The following HECA variants were observed in gnomAD, a reference collection of about 807,000 sequenced individuals.
The protein encoded by HECA is HECA ribonucleoprotein granule regulator, also known as headcase protein homolog.
Under a neutral mutation model 37.6 loss-of-function variants are expected in HECA, and 13 were observed. The ratio of observed to expected loss-of-function variants is 0.35; its 90% CI spans 0.23 to 0.55. HECA has a LOEUF of 0.55. Among genes scored for constraint, HECA ranks in the 20% least tolerant of loss-of-function variants. The pLI, the probability that HECA is intolerant of heterozygous loss-of-function variation, is 0.90. For missense variants in HECA, 527 were observed against 701.9 expected, an observed-to-expected ratio of 0.75 and a Z score of 2.82; for synonymous variants, 307 against 291.5, an observed-to-expected ratio of 1.05 and a Z score of -0.54.
intron 1 of HECA, among the ~76,000 whole-genome samples, chr6:139,140,462 T>C (rs185551062): frequency 6.6e-6 from 1 of 152,216 alleles, no homozygotes; most frequent in African/African-American, 2.4e-5. Context: ...CTTCGTGTAT[T>C]AAAGTGAAGA....
intron 1 of HECA, among the ~76,000 whole-genome samples, chr6:139,156,412 G>A (rs1237942349): frequency 6.6e-6 from 1 of 152,100 alleles, no homozygotes; most frequent in African/African-American, 2.4e-5. Context: ...ATCTCACCAT[G>A]TTGCCCAGGC....
At chr6:139,153,007 A>T (rs1191706641) in intron 1 of HECA, 1 of 152,160 alleles carries the variant, frequency 6.6e-6, no homozygotes, top group Non-Finnish European at 1.5e-5. Flanking sequence ...TGTTACAGCC[A>T]CAGGAATGGG....
chr6:139,163,908 T>G (rs1774842933), intron 1 of HECA, among the ~76,000 whole-genome samples: 1 of 151,802 alleles, frequency 6.6e-6, no homozygotes, highest in Non-Finnish European at 1.5e-5. Flanking sequence ...TCTCTTGAGC[T>G]CCAGTCAAAT....
At chr6:139,165,798 GCA>G (rs1774875281) in intron 1 of HECA, among the ~76,000 whole-genome samples, 1 of 71,844 alleles carries the variant, frequency 1.4e-5, no homozygotes, top group Admixed American at 1.4e-4. Flanking sequence ...TTGGCTGTTT[GCA>G]CAGTGTGGGA....
intron 1 of HECA, among the ~76,000 whole-genome samples, chr6:139,154,628 A>G (rs1309943057): frequency 2.0e-5 from 3 of 152,218 alleles, no homozygotes; most frequent in Non-Finnish European, 4.4e-5. Flanking sequence ...GAAGGGGTAA[A>G]GTCATTAGTC....
At chr6:139,137,070 T>G (rs1459488472) in intron 1 of HECA, among the ~76,000 whole-genome samples, 1 of 152,216 alleles carries the variant, frequency 6.6e-6, no homozygotes, top group Non-Finnish European at 1.5e-5. Context: ...TAGGAAGATT[T>G]ATTTATTTAT....
intron 1 of HECA, among the ~76,000 whole-genome samples, chr6:139,145,628 A>C (rs1257945162): frequency 1.3e-5 from 2 of 152,202 alleles, no homozygotes; most frequent in Non-Finnish European, 2.9e-5. Context: ...AATTAAATTG[A>C]CAAGAGACAG....
At position 139,135,263 on chromosome 6, in the gene HECA, G is replaced by C; in HGVS notation, c.-134G>C. 1.5e-6 allele frequency: 1 copy of C among 676,552 alleles called. No homozygotes were observed. Among genetic ancestry groups the C allele is most frequent in the Non-Finnish European group, 1.9e-6 (1 of 521,266 alleles). The allele number at this position is 676,552 out of a possible 1,614,324, so 41.9% of individuals were successfully genotyped here. Reference sequence around the variant, plus strand: ...CGCGGCACGGGCCGTGCGGCTAGACGGGAGCCGAGGGAACCGCCGGCTCGC... The same window carrying C: ...CGCGGCACGGGCCGTGCGGCTAGACCGGAGCCGAGGGAACCGCCGGCTCGC... On this transcript the variant is annotated 5_prime_UTR_variant, in exon 1 of 4. Coordinates refer to ENST00000367658, the MANE Select transcript of HECA (RefSeq NM_016217.3).
At chr6:139,168,198 TC>T (rs887714677) in intron 2 of HECA, among the ~76,000 whole-genome samples, 1 of 152,204 alleles carries the variant, frequency 6.6e-6, no homozygotes, top group African/African-American at 2.4e-5. Flanking sequence ...TTACATATTA[TC>T]TGTTTATTGA....
intron 1 of HECA, among the ~76,000 whole-genome samples, chr6:139,146,571 T>C (rs551975489): frequency 6.6e-6 from 1 of 152,334 alleles, no homozygotes; most frequent in African/African-American, 2.4e-5. Context: ...TGGCTATTTT[T>C]GATTGGCAGC....
intron 1 of HECA, chr6:139,155,691 T>G (rs1011634289): frequency 1.3e-5 from 2 of 152,194 alleles, no homozygotes; most frequent in Non-Finnish European, 2.9e-5. Context: ...CAGAGCATAT[T>G]ATGTAGTGCA....
At chr6:139,170,394 T>G (rs1456204347) in intron 2 of HECA, 2 of 152,202 alleles carry the variant, frequency 1.3e-5, no homozygotes, top group African/African-American at 4.8e-5. Context: ...AGTTCTAGTA[T>G]CATACCTGGA....
intron 1 of HECA, among the ~76,000 whole-genome samples, chr6:139,153,903 C>T (rs1223387540): frequency 6.6e-6 from 1 of 152,098 alleles, no homozygotes; most frequent in African/African-American, 2.4e-5. Flanking sequence ...TCTGAGATGG[C>T]AGAGTAAGGG....
In HECA at chr6:139,135,347, G is replaced by T; in HGVS notation, c.-50G>T. On this transcript the variant is annotated 5_prime_UTR_variant, in exon 1 of 4. Transcript: ENST00000367658. ...AGGGCCGGGAACGGCCGTGCCTCTG[G>T]GATCCGCCTTCGCTGACGCCGGGCA... 1 of 1,275,354 alleles carries T rather than the reference G, an allele frequency of 7.8e-7. No homozygotes were observed. The highest frequency in any genetic ancestry group is 1.0e-6 in the Non-Finnish European group (1 of 982,940). 79.0% of individuals were successfully genotyped at this position (1,275,354 alleles called of 1,614,324 possible).
intron 1 of HECA, among the ~76,000 whole-genome samples, chr6:139,145,466 C>A (rs1228076491): frequency 6.6e-6 from 1 of 152,106 alleles, no homozygotes; most frequent in African/African-American, 2.4e-5. Context: ...ATGAAGTGTT[C>A]AATGTAGTCA....
chr6:139,171,956 G>A (rs1746459864), intron 2 of HECA, among the ~76,000 whole-genome samples: 1 of 151,824 alleles, frequency 6.6e-6, no homozygotes, highest in Non-Finnish European at 1.5e-5. Flanking sequence ...TCAGCCTCAT[G>A]AGTAGCTGGG....
chr6:139,173,619 G>A (rs1313127517), intron 2 of HECA, among the ~76,000 whole-genome samples: 2 of 152,154 alleles, frequency 1.3e-5, no homozygotes, highest in African/African-American at 2.4e-5. Flanking sequence ...CAGAAATGTT[G>A]CTGTTATACG....
chr6:139,156,020 T>C (rs952518461), intron 1 of HECA, among the ~76,000 whole-genome samples: 12 of 151,876 alleles, frequency 7.9e-5, no homozygotes, highest in South Asian at 2.1e-4. Context: ...TTATATTTTA[T>C]ATGTTTCTAT....
chr6:139,172,042 G>T (rs1052259737), intron 2 of HECA, among the ~76,000 whole-genome samples: 1 of 152,078 alleles, frequency 6.6e-6, no homozygotes, highest in Non-Finnish European at 1.5e-5. Context: ...TGTTGGCCAG[G>T]CTGGTCTCAA....
Sources: gnomAD v4.1 joint callset for allele counts (sites outside exome capture counted in the v4.1 genomes callset) on GRCh38, gnomAD v4.1.1 for gene constraint, MANE v1.5 for transcripts, NCBI Gene and HGNC (gene_info 2026-07-23, HGNC 2026-07-21) for gene names.